Variants in ZAR1L observed in about 807,000 individuals in gnomAD.
ZAR1L encodes the protein zygote arrest 1 like, also known as protein ZAR1-like.
In ZAR1L, 16 loss-of-function variants were observed where a neutral mutation model predicts 30.0. That is an observed-to-expected ratio of 0.53 (90% CI 0.36 to 0.81). ZAR1L has a LOEUF of 0.81. Among genes scored for constraint, ZAR1L ranks in the 30% least tolerant of loss-of-function variants. ZAR1L has a pLI of 0.00. For synonymous variants in ZAR1L, 197 were observed against 166.8 expected, an observed-to-expected ratio of 1.18 and a Z score of -1.40; for missense variants, 392 against 417.2, an observed-to-expected ratio of 0.94 and a Z score of 0.53.
chr13:32,306,336 G>C (rs554013476), intron 5 of ZAR1L, among the ~76,000 whole-genome samples: 1 of 152,148 alleles, frequency 6.6e-6, no homozygotes. Flanking sequence ...AAAGATAACA[G>C]TTGATAATTT....
intron 4 of ZAR1L, 78 bp downstream of exon 4, chr13:32,310,561 C>T (rs2072205081): frequency 1.0e-6 from 1 of 981,320 alleles, no homozygotes; most frequent in African/African-American, 1.6e-5. Context: ...AGCCATGCTC[C>T]CTCAGGAATC....
intron 5 of ZAR1L, among the ~76,000 whole-genome samples, 179 bp from the exon 6 acceptor site, chr13:32,304,201 A>AT (rs2072158220): frequency 6.6e-6 from 1 of 152,114 alleles, no homozygotes; most frequent in Non-Finnish European, 1.5e-5. Context: ...AATGTCAGAT[A>AT]TTTTTTCAAG....
chr13:32,304,847 C>T (rs942995983), intron 5 of ZAR1L, among the ~76,000 whole-genome samples: 1 of 141,136 alleles, frequency 7.1e-6, no homozygotes, highest in Non-Finnish European at 1.5e-5. Flanking sequence ...CTCGCTCTGT[C>T]GCCCAGTCTG....
intron 5 of ZAR1L, among the ~76,000 whole-genome samples, chr13:32,305,980 T>C (rs2072171835): frequency 6.6e-6 from 1 of 152,238 alleles, no homozygotes; most frequent in South Asian, 2.1e-4. Context: ...TGGAGTTCTC[T>C]GACACAGATT....
intron 5 of ZAR1L, among the ~76,000 whole-genome samples, chr13:32,306,685 C>T (rs1006325837): frequency 6.6e-6 from 1 of 152,140 alleles, no homozygotes; most frequent in African/African-American, 2.4e-5. Context: ...AATCCCAATA[C>T]TTTGGGAGGC....
At chr13:32,314,646 G>A (rs1437987745) in intron 1 of ZAR1L, 96 bp from the exon 2 acceptor site, 1 of 152,350 alleles carries the variant, frequency 6.6e-6, no homozygotes, top group East Asian at 1.9e-4. Flanking sequence ...AGGTCGGGAG[G>A]TTGAGACCAG....
At chr13:32,304,789 T>C (rs1164137230) in intron 5 of ZAR1L, among the ~76,000 whole-genome samples, 9 of 151,446 alleles carry the variant, frequency 5.9e-5, no homozygotes, top group Non-Finnish European at 1.2e-4. Flanking sequence ...CATAGCCACA[T>C]GGAATAAGTC....
chr13:32,309,824 C>T (rs2072200107), intron 4 of ZAR1L, among the ~76,000 whole-genome samples: 1 of 152,230 alleles, frequency 6.6e-6, no homozygotes, highest in Admixed American at 6.5e-5. Context: ...GTAAATTCAA[C>T]TTCAACTTTA....
At chr13:32,310,044 C>A (rs2072201606) in intron 4 of ZAR1L, among the ~76,000 whole-genome samples, 1 of 152,192 alleles carries the variant, frequency 6.6e-6, no homozygotes, top group Non-Finnish European at 1.5e-5. Context: ...AAACGAGGTG[C>A]ACAGGGCAAG....
chr13:32,311,644 C>T lies in ZAR1L; in HGVS notation c.282G>A (p.Gln94=). The change falls in exon 3 of 6, where the codon CAG becomes CAA. Residue 94 remains glutamine, a synonymous_variant. Transcript: ENST00000533490. ...CAGCCTTGTCCACCCGCGGGCTCACCTGCACGCCCACCTCCTTGGTGTTGG... is the reference window on the plus strand; with the variant it reads ...CAGCCTTGTCCACCCGCGGGCTCACTTGCACGCCCACCTCCTTGGTGTTGG... ...CKPNTKEVGV[Q]VSPRVDKAVQ... is the part of the protein sequence containing the mutation. 1 of 1,551,314 alleles carries T rather than the reference C, an allele frequency of 6.4e-7. No homozygotes were observed. The highest frequency in any genetic ancestry group is 1.2e-5 in the South Asian group (1 of 84,064).
At position 32,311,333 on chromosome 13, in the gene ZAR1L, G is replaced by C; in HGVS notation, c.593C>G (p.Thr198Arg). ...GEKDAPCPQE[T>R]KSKQVPGDAA... ...GTCTCCAGGCACCTGCTTGCTCTTCGTCTCCTGAGGGCACGGGGCGTCTTT... is the reference window on the plus strand; with the variant it reads ...GTCTCCAGGCACCTGCTTGCTCTTCCTCTCCTGAGGGCACGGGGCGTCTTT... The change falls in exon 3 of 6, where the codon ACG becomes AGG. Residue 198 changes from threonine to arginine, a missense_variant. Coordinates refer to ENST00000533490, the MANE Select transcript of ZAR1L (RefSeq NM_001136571.2). The C allele has an allele frequency of 1.9e-6, 3 of 1,550,884 alleles. No homozygotes were observed. The highest frequency in any genetic ancestry group is 2.6e-6 in the Non-Finnish European group (3 of 1,146,954).
At chr13:32,304,380 T>A (rs2072159156) in intron 5 of ZAR1L, among the ~76,000 whole-genome samples, 1 of 151,800 alleles carries the variant, frequency 6.6e-6, no homozygotes, top group African/African-American at 2.4e-5. Context: ...AAGTCAAGAG[T>A]TTTATAGCGT....
intron 5 of ZAR1L, among the ~76,000 whole-genome samples, chr13:32,306,082 A>G (rs1416911357): frequency 6.6e-6 from 1 of 152,272 alleles, no homozygotes; most frequent in Non-Finnish European, 1.5e-5. Context: ...TAAAAATTCT[A>G]GAACAGAAAA....
rs545183773 is a variant in ZAR1L at position 32,307,687 on chromosome 13, T to C, written c.822+999A>G. ...AAAAAGGGGTGGAGAAAAAAGAAAA[T>C]ACATTTAAACCCAGTTTAATAAGTA... is the stretch of plus-strand genomic sequence containing the variant. On this transcript the variant is annotated intron_variant, in intron 5 of 5. Transcript: ENST00000533490. Among the ~76,000 whole-genome samples, 8 of 151,908 alleles carry C rather than the reference T, an allele frequency of 5.3e-5. No homozygotes were observed. In the South Asian group the frequency reaches 1.7e-3, roughly 32 times the overall value.
In ZAR1L at chr13:32,312,091, A is replaced by C; in HGVS notation, c.-166T>G. On this transcript the variant is annotated splice_region_variant and 5_prime_UTR_variant, in exon 3 of 6. Coordinates refer to ENST00000533490, the MANE Select transcript of ZAR1L (RefSeq NM_001136571.2). ...ATTCTAATGGGAGCTGCTGCTTATT[A>C]CCCTGATTGAGGGAGAGAAGCTCTA... 1.2e-6 allele frequency: 1 copy of C among 807,280 alleles called. No homozygotes were observed. Among genetic ancestry groups the C allele is most frequent in the East Asian group, 2.8e-5 (1 of 36,002 alleles). The allele number at this position is 807,280 out of a possible 1,614,324, so 50.0% of individuals were successfully genotyped here. A position where few individuals can be genotyped will look rare whatever the true frequency, so the allele number is the denominator to read the frequency against.
At chr13:32,312,533 T>G (rs1287858392) in intron 2 of ZAR1L, among the ~76,000 whole-genome samples, 1 of 152,134 alleles carries the variant, frequency 6.6e-6, no homozygotes, top group Non-Finnish European at 1.5e-5. Flanking sequence ...GAAAAATGGA[T>G]AGAGAAATTG....
rs1334861978 is a variant in ZAR1L at position 32,307,500 on chromosome 13, A to G, written c.822+1186T>C. Among the ~76,000 whole-genome samples, 8 of 76,958 alleles carry G rather than the reference A, an allele frequency of 1.0e-4. No individual in the cohort carries two copies. In the East Asian group the frequency reaches 3.3e-3, roughly 32 times the overall value. 50.5% of individuals were successfully genotyped at this position (76,958 alleles called of 152,430 possible). ...GGTGACACAGCAAGAGTCTGTCTCA[A>G]AAAAAAAAAAAAAAAAAAAAAAAAA... On this transcript the variant is annotated intron_variant, in intron 5 of 5. Transcript: ENST00000533490.
rs2138688924 is a variant in ZAR1L at position 32,310,714 on chromosome 13, A to G, written c.672T>C (p.Tyr224=). The G allele has an allele frequency of 6.4e-7, 1 of 1,551,432 alleles. No individual in the cohort carries two copies. The highest frequency in any genetic ancestry group is 1.4e-5 in the African/African-American group (1 of 73,158). ...RPNFQFLEPK[Y]GYFHCKDCKT... ...TACAATCTTTACAGTGGAAATAGCC[A>G]TATTTTGGTTCCAAAAACTGAAAAT... is the stretch of plus-strand genomic sequence containing the variant. The change falls in exon 4 of 6, where the codon TAT becomes TAC. Residue 224 remains tyrosine (Y), a synonymous_variant. Transcript: ENST00000533490.
At position 32,303,937 on chromosome 13, in the gene ZAR1L, C is replaced by A; in HGVS notation, c.908G>T (p.Arg303Leu). ...ACAGGAGAATCTCTTGTCTTTGCAG[C>A]GACCACACAGTTCCTGTCGATGAGG... ...RRPHRQELCG[R>L]CKDKRFSCGN... Residue 303 changes from arginine (R) to leucine (L), a missense_variant, in exon 6 of 6, where the codon CGC (arginine) becomes CTC (leucine). By Grantham distance (102) the Arg-to-Leu change is moderately radical. Transcript: ENST00000533490. 1 of 1,551,856 alleles carries A rather than the reference C, an allele frequency of 6.4e-7. No homozygotes were observed. The highest frequency in any genetic ancestry group is 8.7e-7 in the Non-Finnish European group (1 of 1,147,026).
Sources: gnomAD v4.1 joint callset for allele counts (sites outside exome capture counted in the v4.1 genomes callset) on GRCh38, gnomAD v4.1.1 for gene constraint, MANE v1.5 for transcripts, NCBI Gene and HGNC (gene_info 2026-07-23, HGNC 2026-07-21) for gene names.